The following XYLB variants were observed in gnomAD, a reference collection of about 807,000 sequenced individuals.
The protein encoded by XYLB is xylulokinase.
A neutral mutation model predicts 78.7 loss-of-function variants in XYLB; 62 were observed. The observed-to-expected ratio is 0.79, with a 90% CI of 0.64 to 0.97. The LOEUF is 0.97. Among genes scored for constraint, XYLB ranks in the 50% least tolerant of loss-of-function variants. The pLI, the probability that XYLB is intolerant of heterozygous loss-of-function variation, is 0.00. For missense variants in XYLB, 687 were observed against 676.8 expected (o/e 1.02, Z -0.17); for synonymous variants, 245 against 247.4 (o/e 0.99, Z 0.09).
the XYLB span, among the ~76,000 whole-genome samples, chr3:38,444,435 T>C: frequency 6.6e-6 from 1 of 152,172 alleles, no homozygotes; most frequent in Non-Finnish European, 1.5e-5. Context: ...GGGGGTAAGC[T>C]GAGAGGTCCT....
chr3:38,407,454 G>T (rs1482755079), intron 18 of XYLB, among the ~76,000 whole-genome samples: 1 of 151,606 alleles, frequency 6.6e-6, no homozygotes, highest in Non-Finnish European at 1.5e-5. Flanking sequence ...GACCATCGAG[G>T]CTAGGAAGAA....
chr3:38,374,395 C>A (rs1706736477), intron 10 of XYLB, 67 bp from the exon 11 acceptor site: 19 of 1,611,206 alleles, frequency 1.2e-5, no homozygotes, highest in Non-Finnish European at 1.4e-5. Context: ...GCCTGGAGAG[C>A]CCTGTGGTTT....
intron 16 of XYLB, 41 bp from the exon 17 acceptor site, chr3:38,397,031 A>G (rs1438167168): frequency 6.2e-7 from 1 of 1,600,432 alleles, no homozygotes. Context: ...GTTCCCTCTG[A>G]GGAATGGCTC....
At chr3:38,356,127 T>A in intron 2 of XYLB, 1 of 189,846 alleles carries the variant, frequency 5.3e-6, no homozygotes, top group Non-Finnish European at 1.1e-5. Context: ...GCCGGGCGCC[T>A]GTAGTCCCAG....
At chr3:38,376,007 C>T (rs1219787400) in intron 12 of XYLB, 110 bp from the exon 13 acceptor site, 5 of 758,662 alleles carry the variant, frequency 6.6e-6, no homozygotes, top group East Asian at 2.5e-5. Context: ...GACTAGGGGT[C>T]GTGGTCCAGC....
intron 18 of XYLB, among the ~76,000 whole-genome samples, chr3:38,403,393 C>T (rs904273938): frequency 5.3e-5 from 8 of 152,096 alleles, no homozygotes; most frequent in African/African-American, 1.9e-4. Context: ...TCTGGGCATG[C>T]TTCAAGTATG....
chr3:38,370,856 A>C (rs1706518982), intron 9 of XYLB, among the ~76,000 whole-genome samples: 2 of 152,102 alleles, frequency 1.3e-5, no homozygotes, highest in Non-Finnish European at 1.5e-5. Flanking sequence ...CCTGTTCTCC[A>C]TTGTCCTGTG....
the XYLB span, among the ~76,000 whole-genome samples, chr3:38,443,672 T>C: frequency 1.4e-4 from 21 of 152,314 alleles, no homozygotes; most frequent in African/African-American, 5.1e-4. Context: ...CCTAGGGCTT[T>C]CTTTTGGAGC....
intron 15 of XYLB, among the ~76,000 whole-genome samples, chr3:38,390,498 G>A (rs1707603805): frequency 6.6e-6 from 1 of 152,054 alleles, no homozygotes; most frequent in Non-Finnish European, 1.5e-5. Flanking sequence ...ACAGGTATGA[G>A]CCACTGTGCC....
chr3:38,406,258 C>T (rs1040761864), intron 18 of XYLB, among the ~76,000 whole-genome samples: 1 of 152,238 alleles, frequency 6.6e-6, no homozygotes, highest in African/African-American at 2.4e-5. Flanking sequence ...GCCACCACTG[C>T]TGATACCCAG....
At chr3:38,391,232 A>C (rs1307045787) in intron 15 of XYLB, among the ~76,000 whole-genome samples, 9 of 1,242 alleles carry the variant, frequency 7.2e-3, no homozygotes, top group East Asian at 0.083. Context: ...CAACAACAAC[A>C]ACAACAAAAA....
the XYLB span, among the ~76,000 whole-genome samples, chr3:38,449,251 T>G: frequency 6.6e-6 from 1 of 152,128 alleles, no homozygotes; most frequent in Non-Finnish European, 1.5e-5. Flanking sequence ...GCCTACTGAG[T>G]AGCTGGGACT....
intron 4 of XYLB, among the ~76,000 whole-genome samples, chr3:38,364,842 G>T (rs932379801): frequency 2.6e-5 from 4 of 152,124 alleles, no homozygotes; most frequent in Non-Finnish European, 5.9e-5. Flanking sequence ...CTTAATAAAT[G>T]TTCATTGAAT....
At position 38,407,342 on chromosome 3, in the gene XYLB, T is replaced by C. The variant is rs1339791817; in HGVS notation, c.1534-5594T>C. Among the ~76,000 whole-genome samples, 16 of 151,996 alleles carry C rather than the reference T, an allele frequency of 1.1e-4. No individual in the cohort carries two copies. In the East Asian group the frequency reaches 3.1e-3, roughly 29 times the overall value. On this transcript the variant is annotated intron_variant, in intron 18 of 18. Coordinates refer to ENST00000207870, the MANE Select transcript of XYLB (RefSeq NM_005108.4). ...ACAGACAAGCAAATGCTGAGAGATT[T>C]TGTCACCACCAGGCCTGCCCTAAAA...
At chr3:38,407,302 G>T (rs1276747948) in intron 18 of XYLB, among the ~76,000 whole-genome samples, 2 of 151,104 alleles carry the variant, frequency 1.3e-5, no homozygotes, top group Admixed American at 6.6e-5. Flanking sequence ...AAGTGAAGAA[G>T]AAATAAAATA....
chr3:38,385,959 C>T (rs1419323340), intron 15 of XYLB, among the ~76,000 whole-genome samples: 1 of 152,088 alleles, frequency 6.6e-6, no homozygotes, highest in Non-Finnish European at 1.5e-5. Flanking sequence ...ATATACATAT[C>T]CAAATATATA....
chr3:38,439,032 A>G, the XYLB span, among the ~76,000 whole-genome samples: 30 of 152,318 alleles, frequency 2.0e-4, no homozygotes, highest in Non-Finnish European at 4.1e-4. Context: ...GGTACATTTT[A>G]CAATCCTCTT....
At chr3:38,373,052 C>T (rs1706658325) in intron 10 of XYLB, among the ~76,000 whole-genome samples, 1 of 152,216 alleles carries the variant, frequency 6.6e-6, no homozygotes, top group South Asian at 2.1e-4. Context: ...GTGCCCACCC[C>T]ATCCCTAACC....
At chr3:38,388,854 C>T (rs1575511388) in intron 15 of XYLB, among the ~76,000 whole-genome samples, 1 of 152,176 alleles carries the variant, frequency 6.6e-6, no homozygotes, top group East Asian at 1.9e-4. Flanking sequence ...CTACAGTGTA[C>T]CTCTTTAATG....
Sources: gnomAD v4.1 joint callset for allele counts (sites outside exome capture counted in the v4.1 genomes callset) on GRCh38, gnomAD v4.1.1 for gene constraint, MANE v1.5 for transcripts, NCBI Gene and HGNC (gene_info 2026-07-23, HGNC 2026-07-21) for gene names.